The following CHCHD3 variants were observed in gnomAD, a reference collection of about 807,000 sequenced individuals.
CHCHD3 encodes the protein coiled-coil-helix-coiled-coil-helix domain containing 3.
A neutral mutation model predicts 38.2 loss-of-function variants in CHCHD3; 20 were observed. That is an observed-to-expected ratio of 0.52 (90% CI 0.37 to 0.76). CHCHD3 has a LOEUF of 0.76. Among genes scored for constraint, CHCHD3 ranks in the 30% least tolerant of loss-of-function variants. The pLI, the probability that CHCHD3 is intolerant of heterozygous loss-of-function variation, is 0.00. For synonymous variants in CHCHD3, 82 were observed against 100.0 expected (o/e 0.82, Z 1.07); for missense variants, 245 against 279.2 (o/e 0.88, Z 0.87).
chr7:132,864,762 T>G (rs1808576821), intron 5 of CHCHD3, among the ~76,000 whole-genome samples: 2 of 152,142 alleles, frequency 1.3e-5, no homozygotes, highest in Non-Finnish European at 1.5e-5. Flanking sequence ...CCGAGATATG[T>G]ACCAATTTTT....
intron 6 of CHCHD3, among the ~76,000 whole-genome samples, chr7:132,798,752 T>G (rs1171653568): frequency 6.6e-6 from 1 of 152,180 alleles, no homozygotes; most frequent in Non-Finnish European, 1.5e-5. Context: ...ACACACTGCA[T>G]GTCATAAAGA....
rs5887607 is a variant in CHCHD3 at position 133,018,875 on chromosome 7, C to CTTTTTTTT, written c.251+5663_251+5670dup. ...GCACCATGCTAGTTGCATGATTTCT[C>CTTTTTTTT]TTTTTTTTTTTTTTTTTTTTTTTTT... is the stretch of plus-strand genomic sequence containing the variant. On this transcript the variant is annotated intron_variant, in intron 3 of 7. Transcript: ENST00000262570. Among the ~76,000 whole-genome samples the CTTTTTTTT allele has an allele frequency of 8.6e-4, 60 of 70,154 alleles. 2 individuals carry two copies. The highest frequency in any genetic ancestry group is 1.2e-3 in the South Asian group (2 of 1,642). The allele number at this position is 70,154 out of a possible 152,430, so 46.0% of individuals were successfully genotyped here.
chr7:133,044,647 G>A (rs1347674733), intron 2 of CHCHD3, among the ~76,000 whole-genome samples: 1 of 152,210 alleles, frequency 6.6e-6, no homozygotes, highest in Non-Finnish European at 1.5e-5. Flanking sequence ...CAAAAATTCA[G>A]GCCAAAAGCT....
chr7:132,849,937 A>G (rs13221475), intron 5 of CHCHD3, among the ~76,000 whole-genome samples: 44,614 of 151,968 alleles, frequency 0.29, 6,617 homozygotes, highest in East Asian at 0.37. Flanking sequence ...CCAGCCTTTT[A>G]TTAAACAAGA....
At chr7:132,847,414 A>G (rs1004778275) in intron 5 of CHCHD3, 2 of 152,228 alleles carry the variant, frequency 1.3e-5, no homozygotes, top group South Asian at 2.1e-4. Flanking sequence ...AAGTATTCCA[A>G]TATTTCTTTC....
chr7:132,905,237 T>TA (rs1209517895), intron 4 of CHCHD3, among the ~76,000 whole-genome samples: 1 of 152,010 alleles, frequency 6.6e-6, no homozygotes, highest in Non-Finnish European at 1.5e-5. Flanking sequence ...CCCTAGAACT[T>TA]AAAGTATAAT....
intron 3 of CHCHD3, among the ~76,000 whole-genome samples, chr7:132,983,049 G>A (rs986314796): frequency 5.3e-5 from 8 of 152,088 alleles, no homozygotes; most frequent in Non-Finnish European, 1.0e-4. Context: ...TTGGCCAGGC[G>A]CGGCAGCTCA....
At chr7:132,800,519 A>G (rs2117035294) in intron 6 of CHCHD3, among the ~76,000 whole-genome samples, 1 of 152,306 alleles carries the variant, frequency 6.6e-6, no homozygotes, top group Non-Finnish European at 1.5e-5. Context: ...AGTTCTGCTA[A>G]TATTAATGGT....
chr7:133,051,565 G>A (rs1814163638), intron 2 of CHCHD3, among the ~76,000 whole-genome samples: 1 of 151,888 alleles, frequency 6.6e-6, no homozygotes, highest in Non-Finnish European at 1.5e-5. Flanking sequence ...TTGTTTAAAC[G>A]TATACTCTTG....
intron 5 of CHCHD3, among the ~76,000 whole-genome samples, chr7:132,852,983 C>T (rs1808256299): frequency 6.6e-6 from 1 of 152,216 alleles, no homozygotes; most frequent in South Asian, 2.1e-4. Flanking sequence ...AACTCTTTCA[C>T]AGGCATGATA....
chr7:132,919,194 C>T (rs1182109796), intron 4 of CHCHD3, among the ~76,000 whole-genome samples: 3 of 142,182 alleles, frequency 2.1e-5, no homozygotes, highest in African/African-American at 5.3e-5. Flanking sequence ...CTGCAAGCTC[C>T]GCCTCCCGGG....
chr7:132,869,161 A>G (rs532273408), intron 5 of CHCHD3, among the ~76,000 whole-genome samples: 1 of 152,240 alleles, frequency 6.6e-6, no homozygotes, highest in South Asian at 2.1e-4. Context: ...CCTGTATAGC[A>G]TTTCCTCTGA....
chr7:133,049,521 T>C (rs1413315964), intron 2 of CHCHD3, among the ~76,000 whole-genome samples: 1 of 152,236 alleles, frequency 6.6e-6, no homozygotes, highest in Admixed American at 6.5e-5. Flanking sequence ...TGATGTTTAT[T>C]ACCACTTCTC....
chr7:132,903,001 A>C (rs1015089133), intron 4 of CHCHD3, among the ~76,000 whole-genome samples: 1 of 152,162 alleles, frequency 6.6e-6, no homozygotes, highest in Non-Finnish European at 1.5e-5. Flanking sequence ...ACCATTGTCA[A>C]CTTACAATTT....
At chr7:132,798,335 T>C (rs1806674005) in intron 6 of CHCHD3, among the ~76,000 whole-genome samples, 1 of 152,196 alleles carries the variant, frequency 6.6e-6, no homozygotes. Flanking sequence ...TTCCATGCTT[T>C]AAGATTTCAA....
chr7:132,954,945 C>T (rs1811122919), intron 4 of CHCHD3, among the ~76,000 whole-genome samples: 1 of 152,140 alleles, frequency 6.6e-6, no homozygotes, highest in Non-Finnish European at 1.5e-5. Context: ...AAAATGGAGG[C>T]CATACCATGT....
intron 6 of CHCHD3, among the ~76,000 whole-genome samples, chr7:132,808,485 A>G (rs936139159): frequency 3.9e-5 from 6 of 152,128 alleles, no homozygotes; most frequent in Non-Finnish European, 5.9e-5. Flanking sequence ...TAGCTGTGTG[A>G]TCTTAGGTTT....
intron 4 of CHCHD3, chr7:132,973,089 T>C (rs1811651874): frequency 1.6e-5 from 16 of 985,298 alleles, no homozygotes; most frequent in Admixed American, 6.1e-5. Flanking sequence ...ATATATTTAA[T>C]GAGTTTTTTG....
intron 4 of CHCHD3, among the ~76,000 whole-genome samples, chr7:132,955,331 T>C (rs1811137018): frequency 6.6e-6 from 1 of 152,092 alleles, no homozygotes; most frequent in Admixed American, 6.5e-5. Flanking sequence ...CTACAGCCAT[T>C]GGTGTGCATA....
Sources: allele counts gnomAD v4.1 joint callset (sites outside exome capture counted in the v4.1 genomes callset), GRCh38; gene constraint gnomAD v4.1.1; transcripts MANE v1.5; gene names NCBI Gene and HGNC (gene_info 2026-07-23, HGNC 2026-07-21).